TBCE: variants seen among roughly 807,000 people sequenced by gnomAD.
TBCE encodes the protein tubulin folding cofactor E.
In TBCE, 53 loss-of-function variants were observed where a neutral mutation model predicts 77.0. That is an observed-to-expected ratio of 0.69 (90% CI 0.55 to 0.87). TBCE has a LOEUF of 0.87. Ranked by LOEUF, TBCE falls within the 40% of genes least tolerant of loss-of-function variation. The pLI is 0.00. For synonymous variants in TBCE, 235 were observed against 241.3 expected (o/e 0.97, Z 0.24); for missense variants, 624 against 622.4 (o/e 1.00, Z -0.03).
chr1:235,372,457 G>C (rs1403722912), intron 1 of TBCE, among the ~76,000 whole-genome samples: 2 of 152,160 alleles, frequency 1.3e-5, no homozygotes, highest in African/African-American at 4.8e-5. Context: ...GTTTTTAGCT[G>C]TTTTCTTTGG....
At chr1:235,424,659 C>T (rs1459992212) in intron 5 of TBCE, among the ~76,000 whole-genome samples, 2 of 152,012 alleles carry the variant, frequency 1.3e-5, no homozygotes, top group Non-Finnish European at 2.9e-5. Flanking sequence ...ACATGTGCCA[C>T]CATGCCTGGC....
intron 8 of TBCE, among the ~76,000 whole-genome samples, 182 bp downstream of exon 8, chr1:235,434,462 A>T (rs141684520): frequency 5.9e-5 from 9 of 151,980 alleles, no homozygotes; most frequent in African/African-American, 1.2e-4. Context: ...ATCAAAGGAA[A>T]CTCATCAGAA....
intron 4 of TBCE, among the ~76,000 whole-genome samples, chr1:235,417,979 A>G (rs927029835): frequency 2.0e-5 from 3 of 152,054 alleles, no homozygotes; most frequent in African/African-American, 7.3e-5. Context: ...ACAGGGTTTC[A>G]CCATGTTGGC....
chr1:235,427,236 T>C lies in TBCE; in HGVS notation c.557T>C (p.Val186Ala). 1 of 1,605,394 alleles carries C rather than the reference T, an allele frequency of 6.2e-7. No individual in the cohort carries two copies. The highest frequency in any genetic ancestry group is 8.5e-7 in the Non-Finnish European group (1 of 1,172,304). The change falls in exon 6 of 17, where the codon GTC becomes GCC. Residue 186 changes from valine to alanine, a missense_variant. Coordinates refer to ENST00000642610, the MANE Select transcript of TBCE (RefSeq NM_003193.5). ...CTCAGACACCTGGAAGTCCTTAATG[T>C]CAGGTATGAACTCTTGGTTGCTGAA... Reference protein sequence around the residue: ...DQLRHLEVLNVSENKLKFPSG... With the variant: ...DQLRHLEVLNASENKLKFPSG...
At chr1:235,427,729 A>C (rs1057149676) in intron 6 of TBCE, among the ~76,000 whole-genome samples, 1 of 152,128 alleles carries the variant, frequency 6.6e-6, no homozygotes, top group Non-Finnish European at 1.5e-5. Flanking sequence ...CCTCAAGTCA[A>C]ACTAAAATCT....
chr1:235,442,008 A>ATGT, intron 14 of TBCE, 126 bp downstream of exon 14: 1 of 596,202 alleles, frequency 1.7e-6, no homozygotes, highest in South Asian at 1.9e-5. Flanking sequence ...TTAAATGAAA[A>ATGT]TTTTTTTTTT....
chr1:235,372,922 T>TAAA (rs71174418), intron 1 of TBCE, among the ~76,000 whole-genome samples: 7 of 76,186 alleles, frequency 9.2e-5, no homozygotes, highest in Admixed American at 1.6e-4. Context: ...AGACTCCGTC[T>TAAA]AAAAAAAAAA....
intron 5 of TBCE, among the ~76,000 whole-genome samples, chr1:235,423,212 G>A (rs1680500251): frequency 6.6e-6 from 1 of 152,030 alleles, no homozygotes; most frequent in African/African-American, 2.4e-5. Flanking sequence ...TCCAGGGGAG[G>A]GGATGAGCTT....
At chr1:235,394,599 T>G (rs984501183) in intron 2 of TBCE, among the ~76,000 whole-genome samples, 1 of 151,556 alleles carries the variant, frequency 6.6e-6, no homozygotes, top group African/African-American at 2.4e-5. Context: ...CCCAGCTAAT[T>G]TTTTGTATTT....
At chr1:235,370,549 CA>C (rs1216911580) in intron 1 of TBCE, among the ~76,000 whole-genome samples, 1 of 139,156 alleles carries the variant, frequency 7.2e-6, no homozygotes. Context: ...CTGCACCCGG[CA>C]TTTTTTTTTT....
chr1:235,429,943 C>T (rs553695148), intron 6 of TBCE: 1 of 152,326 alleles, frequency 6.6e-6, no homozygotes, highest in Non-Finnish European at 1.5e-5. Flanking sequence ...GTCTTGAACT[C>T]CTGACCTCAG....
intron 2 of TBCE, among the ~76,000 whole-genome samples, chr1:235,395,424 T>A (rs1016196439): frequency 2.8e-4 from 42 of 152,280 alleles, no homozygotes; most frequent in African/African-American, 9.9e-4. Context: ...AGTCACCCTG[T>A]CATGCTATCA....
chr1:235,450,167 G>C lies in TBCE; in HGVS notation c.*1405G>C, dbSNP rs781059119. 6.2e-7 allele frequency: 1 copy of C among 1,611,476 alleles called. No individual in the cohort carries two copies. The highest frequency in any genetic ancestry group is 2.2e-5 in the East Asian group (1 of 44,844). ...CAGACTTGCACTCAGATTATCGTTTGCCTGCCCTGATTTTAGACTCTGCTA... is the reference window on the plus strand; with the variant it reads ...CAGACTTGCACTCAGATTATCGTTTCCCTGCCCTGATTTTAGACTCTGCTA... On this transcript the variant is annotated 3_prime_UTR_variant, in exon 17 of 17. Coordinates refer to ENST00000642610, the MANE Select transcript of TBCE (RefSeq NM_003193.5).
At chr1:235,439,058 T>A (rs898367071) in intron 13 of TBCE, 136 bp downstream of exon 13, 2 of 1,269,702 alleles carry the variant, frequency 1.6e-6, no homozygotes, top group Admixed American at 3.6e-5. Context: ...TTCATCTGAA[T>A]GGACTATAGG....
intron 4 of TBCE, 70 bp from the exon 5 acceptor site, chr1:235,419,403 T>C (rs749870386): frequency 6.2e-7 from 1 of 1,610,242 alleles, no homozygotes; most frequent in East Asian, 2.2e-5. Context: ...TGAAATGTGT[T>C]TAATTTTTTA....
At chr1:235,434,333 T>G (rs1681288749) in intron 8 of TBCE, 53 bp downstream of exon 8, 1 of 1,458,790 alleles carries the variant, frequency 6.9e-7, no homozygotes, top group Non-Finnish European at 9.6e-7. Flanking sequence ...TCATTCTGAG[T>G]AAATAAATGG....
Position 235,450,045 on chromosome 1 carries a change from C to G in TBCE, c.*1283C>G. The G allele has an allele frequency of 1.3e-6, 1 of 767,334 alleles. No homozygotes were observed. Among genetic ancestry groups the G allele is most frequent in the South Asian group, 2.7e-5 (1 of 36,496 alleles). 47.5% of individuals were successfully genotyped at this position (767,334 alleles called of 1,614,324 possible). ...AAGTTGATTTTTAAGGAAATTTGTG[C>G]AAACATTAAGAAACACCGCATTGGT... On this transcript the variant is annotated 3_prime_UTR_variant, in exon 17 of 17. Transcript: ENST00000642610.
intron 5 of TBCE, among the ~76,000 whole-genome samples, chr1:235,420,390 C>T (rs893595477): frequency 4.6e-4 from 69 of 151,420 alleles, no homozygotes; most frequent in African/African-American, 1.5e-3. Context: ...TCTCAGCTCA[C>T]TGTAACTTCC....
rs182904825 is a variant in TBCE at position 235,368,980 on chromosome 1, C to G, written c.-32+1476C>G. Among the ~76,000 whole-genome samples, 286 of 152,244 alleles carry G rather than the reference C, an allele frequency of 1.9e-3. 2 individuals are homozygous for G. Among genetic ancestry groups the G allele is most frequent in the African/African-American group, 6.6e-3 (276 of 41,540 alleles). On this transcript the variant is annotated intron_variant, in intron 1 of 16. Transcript: ENST00000642610. ...CCTGATTAATCTCTTCCATATATAT[C>G]AGCAAATCCTATGGACTCTCCACCT...
Sources: gnomAD v4.1 joint callset for allele counts (sites outside exome capture counted in the v4.1 genomes callset) on GRCh38, gnomAD v4.1.1 for gene constraint, MANE v1.5 for transcripts, NCBI Gene and HGNC (gene_info 2026-07-23, HGNC 2026-07-21) for gene names.